The following NUDT4 variants were observed in gnomAD, a reference collection of about 807,000 sequenced individuals.
NUDT4 encodes nudix hydrolase 4.
In NUDT4, 5 loss-of-function variants were observed where a neutral mutation model predicts 23.1. The ratio of observed to expected loss-of-function variants is 0.22; its 90% CI spans 0.11 to 0.46. The LOEUF (loss-of-function observed/expected upper bound fraction) is 0.46. NUDT4 is among the 20% of genes least tolerant of loss of function. The pLI is 0.99. For missense variants in NUDT4, 96 were observed against 211.6 expected (o/e 0.45, Z 3.39); for synonymous variants, 50 against 79.0 (o/e 0.63, Z 1.95).
chr12:93,389,165 C>T (rs965920489), intron 1 of NUDT4, among the ~76,000 whole-genome samples: 23 of 152,152 alleles, frequency 1.5e-4, no homozygotes, highest in African/African-American at 5.3e-4. Context: ...TTAAATTTAT[C>T]GGCCTTTTTT....
chr12:93,394,381 G>A (rs1045235303), intron 1 of NUDT4, among the ~76,000 whole-genome samples: 51 of 152,220 alleles, frequency 3.4e-4, no homozygotes, highest in African/African-American at 9.9e-4. Flanking sequence ...TAGATAAGGT[G>A]ATTTGGTAGT....
At position 93,407,006 on chromosome 12, in the gene NUDT4, CTT is replaced by C. The variant is rs1296800545; in HGVS notation, c.*7628_*7629del. ...ACACCTCAAGATTTTAGAAAAGCCTCTTAACGGGCAATTTTCTTTTAAATAAA... is the reference window on the plus strand; with the variant it reads ...ACACCTCAAGATTTTAGAAAAGCCTCAACGGGCAATTTTCTTTTAAATAAA... On this transcript the variant is annotated 3_prime_UTR_variant, in exon 5 of 5. Coordinates refer to ENST00000415493, the MANE Select transcript of NUDT4 (RefSeq NM_019094.6). The C allele has an allele frequency of 6.6e-6, 1 of 152,204 alleles. No homozygotes were observed. Among genetic ancestry groups the C allele is most frequent in the Admixed American group, 6.5e-5 (1 of 15,274 alleles). 9.4% of individuals were successfully genotyped at this position (152,204 alleles called of 1,614,324 possible).
chr12:93,378,202 AGCGCTCCCGG>A lies in NUDT4; in HGVS notation c.-113_-104del, dbSNP rs1172509865. ...CCTCGCCGCACCTCCCGCACCGACT[AGCGCTCCCGG>A]GCGCTCCTGCGCCCGACTCGCCCTC... On this transcript the variant is annotated 5_prime_UTR_variant, in exon 1 of 5. Transcript: ENST00000415493. 5.2e-6 allele frequency: 2 copies of A among 385,252 alleles called. No individual in the cohort carries two copies. Among genetic ancestry groups the A allele is most frequent in the African/African-American group, 4.3e-5 (2 of 46,688 alleles). 23.9% of individuals were successfully genotyped at this position (385,252 alleles called of 1,614,324 possible).
intron 4 of NUDT4, 33 bp from the exon 5 acceptor site, chr12:93,399,144 C>A: frequency 1.3e-6 from 2 of 1,518,882 alleles, no homozygotes; most frequent in Non-Finnish European, 1.8e-6. Context: ...TTAAAATGGA[C>A]TGTCTTGTAA....
intron 1 of NUDT4, among the ~76,000 whole-genome samples, chr12:93,384,610 T>C (rs1875932085): frequency 6.6e-6 from 1 of 152,214 alleles, no homozygotes; most frequent in South Asian, 2.1e-4. Context: ...TAAGAAAGTT[T>C]ACAAATTTGT....
At chr12:93,383,491 A>G (rs1210290143) in intron 1 of NUDT4, among the ~76,000 whole-genome samples, 1 of 152,208 alleles carries the variant, frequency 6.6e-6, no homozygotes, top group African/African-American at 2.4e-5. Flanking sequence ...CATTCATGAT[A>G]CCCTGATTTA....
intron 1 of NUDT4, 61 bp downstream of exon 1, chr12:93,378,482 T>G (rs1875371310): frequency 2.1e-6 from 3 of 1,423,364 alleles, no homozygotes; most frequent in Non-Finnish European, 2.8e-6. Context: ...CCCGGGTGCT[T>G]CCCCTCGCTC....
chr12:93,397,976 T>TA (rs1311589310), intron 3 of NUDT4, among the ~76,000 whole-genome samples: 1 of 152,116 alleles, frequency 6.6e-6, no homozygotes, highest in Non-Finnish European at 1.5e-5. Context: ...GGGGATAGGA[T>TA]AAAAACTATG....
intron 1 of NUDT4, among the ~76,000 whole-genome samples, chr12:93,394,216 A>G (rs1330279779): frequency 6.6e-6 from 1 of 152,096 alleles, no homozygotes; most frequent in African/African-American, 2.4e-5. Context: ...GTTAGCCAGG[A>G]TGATCTCGAT....
chr12:93,403,272 A>AT lies in NUDT4; in HGVS notation c.*3895dup, dbSNP rs1877602832. 6.6e-6 allele frequency: 1 copy of AT among 152,172 alleles called. No homozygotes were observed. The highest frequency in any genetic ancestry group is 6.5e-5 in the Admixed American group (1 of 15,272). 9.4% of individuals were successfully genotyped at this position (152,172 alleles called of 1,614,324 possible). A position where few individuals can be genotyped will look rare whatever the true frequency, so the allele number is the denominator to read the frequency against. On this transcript the variant is annotated 3_prime_UTR_variant, in exon 5 of 5. Coordinates refer to ENST00000415493, the MANE Select transcript of NUDT4 (RefSeq NM_019094.6). Reference sequence around the variant, plus strand: ...AATTTTCTAATCTCAAAGAGCTTATATTCTAGTGGGGTAGAGATAAGTGAT... The same window carrying AT: ...AATTTTCTAATCTCAAAGAGCTTATATTTCTAGTGGGGTAGAGATAAGTGAT...
At chr12:93,388,427 A>G (rs1182185391) in intron 1 of NUDT4, among the ~76,000 whole-genome samples, 2 of 152,252 alleles carry the variant, frequency 1.3e-5, no homozygotes, top group Non-Finnish European at 2.9e-5. Context: ...TTTTCATCAC[A>G]TACAATTCTT....
In NUDT4 at chr12:93,404,409, A is replaced by G. The variant is rs989558317; in HGVS notation, c.*5030A>G. The G allele has an allele frequency of 6.6e-6, 1 of 152,226 alleles. No individual in the cohort carries two copies. The highest frequency in any genetic ancestry group is 2.4e-5 in the African/African-American group (1 of 41,460). 9.4% of individuals were successfully genotyped at this position (152,226 alleles called of 1,614,324 possible). On this transcript the variant is annotated 3_prime_UTR_variant, in exon 5 of 5. Coordinates refer to ENST00000415493, the MANE Select transcript of NUDT4 (RefSeq NM_019094.6). Reference sequence around the variant, plus strand: ...TGGAAACTGATACAGCCTGTCGGAGAGCTACTGAGTAGTATTTTATCACAG... The same window carrying G: ...TGGAAACTGATACAGCCTGTCGGAGGGCTACTGAGTAGTATTTTATCACAG...
In NUDT4 at chr12:93,404,404, C is replaced by T. The variant is rs1033669975; in HGVS notation, c.*5025C>T. The stretch of plus-strand genomic sequence containing the variant: ...CTGAGTGGAAACTGATACAGCCTGT[C>T]GGAGAGCTACTGAGTAGTATTTTAT... On this transcript the variant is annotated 3_prime_UTR_variant, in exon 5 of 5. Transcript: ENST00000415493. 1 of 152,196 alleles carries T rather than the reference C, an allele frequency of 6.6e-6. No homozygotes were observed. The highest frequency in any genetic ancestry group is 2.4e-5 in the African/African-American group (1 of 41,450). The allele number at this position is 152,196 out of a possible 1,614,324, so 9.4% of individuals were successfully genotyped here.
At position 93,394,106 on chromosome 12, in the gene NUDT4, G is replaced by A. The variant is rs569834154; in HGVS notation, c.100-503G>A. ...CAACCTCCACCTCCTGGGTTCAAGC[G>A]ATTCTCCTGCTTCAGCCTCCCAAGT... On this transcript the variant is annotated intron_variant, in intron 1 of 4. Coordinates refer to ENST00000415493, the MANE Select transcript of NUDT4 (RefSeq NM_019094.6). Among the ~76,000 whole-genome samples the A allele has an allele frequency of 1.6e-4, 24 of 152,184 alleles. No individual in the cohort carries two copies. In the South Asian group the frequency reaches 3.3e-3, roughly 21 times the overall value.
intron 1 of NUDT4, chr12:93,378,625 CG>C: frequency 2.5e-6 from 3 of 1,217,688 alleles, no homozygotes; most frequent in Non-Finnish European, 3.1e-6. Flanking sequence ...AAAGGGGGCT[CG>C]CCCAGCCCCA....
Position 93,405,379 on chromosome 12 carries a change from CAG to C in NUDT4, c.*6003_*6004del, listed in dbSNP as rs750661969. 3.3e-5 allele frequency: 5 copies of C among 152,280 alleles called. No homozygotes were observed. The highest frequency in any genetic ancestry group is 4.8e-5 in the African/African-American group (2 of 41,550). 9.4% of individuals were successfully genotyped at this position (152,280 alleles called of 1,614,324 possible). A position where few individuals can be genotyped will look rare whatever the true frequency, so the allele number is the denominator to read the frequency against. ...CATGTGATCAATTCAGTAGTAGAGA[CAG>C]AGGTTGGTATCAAGTCTATGTTCAT... On this transcript the variant is annotated 3_prime_UTR_variant, in exon 5 of 5. Transcript: ENST00000415493.
chr12:93,388,289 T>G (rs574648262), intron 1 of NUDT4, among the ~76,000 whole-genome samples: 11 of 152,362 alleles, frequency 7.2e-5, no homozygotes, highest in Admixed American at 4.6e-4. Flanking sequence ...TATAATGATA[T>G]AGATTTATAT....
At chr12:93,391,438 G>A (rs1050707998) in intron 1 of NUDT4, among the ~76,000 whole-genome samples, 1 of 151,922 alleles carries the variant, frequency 6.6e-6, no homozygotes, top group African/African-American at 2.4e-5. Flanking sequence ...GGTGGGAGGT[G>A]CCTGTAATCC....
Position 93,400,268 on chromosome 12 carries a change from G to A in NUDT4, c.*889G>A, listed in dbSNP as rs1239955865. 1 of 151,876 alleles carries A rather than the reference G, an allele frequency of 6.6e-6. No homozygotes were observed. The highest frequency in any genetic ancestry group is 2.4e-5 in the African/African-American group (1 of 41,416). 9.4% of individuals were successfully genotyped at this position (151,876 alleles called of 1,614,324 possible). A position where few individuals can be genotyped will look rare whatever the true frequency, so the allele number is the denominator to read the frequency against. ...ATTCAGTTATTTAGTGGCCCCCACA[G>A]GAGTGGAGTCTTGAAATCTAATTCT... On this transcript the variant is annotated 3_prime_UTR_variant, in exon 5 of 5. Coordinates refer to ENST00000415493, the MANE Select transcript of NUDT4 (RefSeq NM_019094.6).
Sources: gnomAD v4.1 joint callset for allele counts (sites outside exome capture counted in the v4.1 genomes callset) on GRCh38, gnomAD v4.1.1 for gene constraint, MANE v1.5 for transcripts, NCBI Gene and HGNC (gene_info 2026-07-23, HGNC 2026-07-21) for gene names.